Variants in COL25A1 observed in about 807,000 individuals in gnomAD.
COL25A1 encodes collagen alpha-1(XXV) chain.
Under a neutral mutation model 128.4 loss-of-function variants are expected in COL25A1, and 103 were observed. That is an observed-to-expected ratio of 0.80 (90% CI 0.68 to 0.94). The LOEUF (loss-of-function observed/expected upper bound fraction) is 0.94. Ranked by LOEUF, COL25A1 falls within the 40% of genes least tolerant of loss-of-function variation. The pLI is 0.00. For synonymous variants in COL25A1, 279 were observed against 277.2 expected (o/e 1.01, Z -0.06); for missense variants, 745 against 840.0 (o/e 0.89, Z 1.40).
chr4:109,162,560 A>C (rs1463826206), intron 3 of COL25A1, among the ~76,000 whole-genome samples: 1 of 152,172 alleles, frequency 6.6e-6, no homozygotes, highest in Non-Finnish European at 1.5e-5. Context: ...CCCTAACTAC[A>C]ATGCAAGTTC....
chr4:108,971,445 GTAGT>G (rs1468426746), intron 8 of COL25A1, among the ~76,000 whole-genome samples: 1 of 152,198 alleles, frequency 6.6e-6, no homozygotes, highest in Non-Finnish European at 1.5e-5. Flanking sequence ...TTCAGATTGA[GTAGT>G]TAGAGAAGTT....
chr4:108,885,401 C>G (rs1264828497), intron 18 of COL25A1, among the ~76,000 whole-genome samples: 2 of 150,944 alleles, frequency 1.3e-5, no homozygotes, highest in Admixed American at 1.3e-4. Flanking sequence ...TGATTTAGGT[C>G]AAAGTTACTT....
Position 109,291,911 on chromosome 4 carries a change from C to T in COL25A1, c.367+8672G>A, listed in dbSNP as rs78160539. Reference sequence around the variant, plus strand: ...TTACATCAGCTTCCTTGCTAGAATACTCTGACCCATTAAAGAGATGATATT... The same window carrying T: ...TTACATCAGCTTCCTTGCTAGAATATTCTGACCCATTAAAGAGATGATATT... On this transcript the variant is annotated intron_variant, in intron 3 of 37. Coordinates refer to ENST00000399132, the MANE Select transcript of COL25A1 (RefSeq NM_198721.4). Among the ~76,000 whole-genome samples the T allele has an allele frequency of 3.9e-5, 6 of 152,238 alleles. No individual in the cohort carries two copies. In the East Asian group the frequency reaches 7.7e-4, roughly 20 times the overall value.
At position 109,243,406 on chromosome 4, in the gene COL25A1, C is replaced by G. The variant is rs369793396; in HGVS notation, c.367+57177G>C. Among the ~76,000 whole-genome samples the G allele has an allele frequency of 5.3e-5, 8 of 151,970 alleles. No homozygotes were observed. In the East Asian group the frequency reaches 1.6e-3, roughly 29 times the overall value. On this transcript the variant is annotated intron_variant, in intron 3 of 37. Transcript: ENST00000399132. The stretch of plus-strand genomic sequence containing the variant: ...AATTAAGCTAAGAGCTCTGTAGGAC[C>G]AGATAGTTACTCTTTATCCTAAAAA...
At chr4:109,055,279 G>A (rs1263497048) in intron 3 of COL25A1, among the ~76,000 whole-genome samples, 2 of 152,202 alleles carry the variant, frequency 1.3e-5, no homozygotes, top group Admixed American at 1.3e-4. Context: ...GGTCATAAGA[G>A]CCAAAGGTTT....
At position 109,276,268 on chromosome 4, in the gene COL25A1, C is replaced by T. The variant is rs113422120; in HGVS notation, c.367+24315G>A. On this transcript the variant is annotated intron_variant, in intron 3 of 37. Coordinates refer to ENST00000399132, the MANE Select transcript of COL25A1 (RefSeq NM_198721.4). ...TCTACTAAAACTACAAAAAATTAGC[C>T]GGGCATGGTGATGGGTGCCTGTAAT... Among the ~76,000 whole-genome samples the T allele has an allele frequency of 2.2e-3, 328 of 151,908 alleles. 1 individual carries two copies. The highest frequency in any genetic ancestry group is 7.2e-3 in the African/African-American group (298 of 41,444).
chr4:109,244,356 T>C (rs1046001679), intron 3 of COL25A1, among the ~76,000 whole-genome samples: 5 of 152,100 alleles, frequency 3.3e-5, no homozygotes, highest in Non-Finnish European at 7.4e-5. Flanking sequence ...TCACAGACTA[T>C]ATCAAAAAAA....
chr4:109,056,201 C>T (rs1345568096), intron 3 of COL25A1, among the ~76,000 whole-genome samples: 1 of 152,026 alleles, frequency 6.6e-6, no homozygotes, highest in Non-Finnish European at 1.5e-5. Flanking sequence ...AAAAGATATA[C>T]TAACAAATGT....
intron 6 of COL25A1, among the ~76,000 whole-genome samples, chr4:108,988,250 G>C (rs191159878): frequency 6.6e-6 from 1 of 152,292 alleles, no homozygotes; most frequent in East Asian, 1.9e-4. Flanking sequence ...GTAGCTTTGT[G>C]CCTTATACAT....
intron 3 of COL25A1, among the ~76,000 whole-genome samples, chr4:109,081,970 G>C (rs1763881714): frequency 2.0e-5 from 3 of 152,186 alleles, no homozygotes. Context: ...TCCCAAAAGT[G>C]CTGGGATTAC....
At chr4:109,033,895 G>A (rs1759098572) in intron 5 of COL25A1, among the ~76,000 whole-genome samples, 1 of 151,778 alleles carries the variant, frequency 6.6e-6, no homozygotes, top group African/African-American at 2.4e-5. Context: ...ATAAATAATG[G>A]TGAATTATTT....
In COL25A1 at chr4:109,302,190, G is replaced by T; in HGVS notation, c.-78C>A. ...GGACCCCTGCCTTGCTCAGCGTCCA[G>T]ACCCGCAGGCGTGCACCATCCCCGC... On this transcript the variant is annotated 5_prime_UTR_variant, in exon 1 of 38. The change creates a new upstream start codon in the 5' untranslated region. Transcript: ENST00000399132. 1.2e-6 allele frequency: 1 copy of T among 819,114 alleles called. No individual in the cohort carries two copies. Among genetic ancestry groups the T allele is most frequent in the Non-Finnish European group, 1.8e-6 (1 of 543,496 alleles). 50.7% of individuals were successfully genotyped at this position (819,114 alleles called of 1,614,324 possible).
chr4:109,194,240 G>A (rs1383871629), intron 3 of COL25A1, among the ~76,000 whole-genome samples: 1 of 152,138 alleles, frequency 6.6e-6, no homozygotes, highest in Admixed American at 6.6e-5. Flanking sequence ...AAAGGCTAAT[G>A]TAAAAAATGA....
chr4:108,988,297 C>A (rs559826399), intron 6 of COL25A1, among the ~76,000 whole-genome samples: 1 of 152,252 alleles, frequency 6.6e-6, no homozygotes, highest in East Asian at 1.9e-4. Context: ...ATATTTTCTG[C>A]AACAAAGGCC....
chr4:109,153,873 C>T (rs984111961), intron 3 of COL25A1, among the ~76,000 whole-genome samples: 1 of 152,124 alleles, frequency 6.6e-6, no homozygotes, highest in Non-Finnish European at 1.5e-5. Flanking sequence ...GTCAGTGTTA[C>T]GCCCCTTTTC....
chr4:109,127,817 A>G (rs931798022), intron 3 of COL25A1, among the ~76,000 whole-genome samples: 4 of 152,216 alleles, frequency 2.6e-5, no homozygotes, highest in Admixed American at 2.6e-4. Flanking sequence ...CTGCTTTGCG[A>G]GTAGAAAAAA....
chr4:108,906,297 C>T (rs1187615438), intron 13 of COL25A1, among the ~76,000 whole-genome samples: 2 of 152,116 alleles, frequency 1.3e-5, no homozygotes, highest in African/African-American at 2.4e-5. Context: ...GGCCTTTGCA[C>T]CTAGGCGTTC....
intron 3 of COL25A1, among the ~76,000 whole-genome samples, chr4:109,140,158 C>G (rs923082980): frequency 3.3e-5 from 5 of 152,104 alleles, no homozygotes; most frequent in African/African-American, 1.2e-4. Context: ...TTTATAGCAG[C>G]ATGATTTATA....
chr4:109,196,732 T>C (rs2126172759), intron 3 of COL25A1, among the ~76,000 whole-genome samples: 1 of 152,318 alleles, frequency 6.6e-6, no homozygotes, highest in South Asian at 2.1e-4. Context: ...ACTCCCAGAC[T>C]ATGTCTGTAG....
Sources: gnomAD v4.1 joint callset for allele counts (sites outside exome capture counted in the v4.1 genomes callset) on GRCh38, gnomAD v4.1.1 for gene constraint, MANE v1.5 for transcripts, NCBI Gene and HGNC (gene_info 2026-07-23, HGNC 2026-07-21) for gene names.